The following MAPK4 variants were observed in gnomAD, a reference collection of about 807,000 sequenced individuals.
MAPK4 encodes Erk3-related.
In MAPK4, 22 loss-of-function variants were observed where a neutral mutation model predicts 47.7. The observed-to-expected ratio is 0.46, with a 90% CI of 0.33 to 0.66. The LOEUF (loss-of-function observed/expected upper bound fraction) is 0.66, where lower values mean the gene tolerates loss of function less well. Among genes scored for constraint, MAPK4 ranks in the 30% least tolerant of loss-of-function variants. The pLI, the probability that MAPK4 is intolerant of heterozygous loss-of-function variation, is 0.02. For missense variants in MAPK4, 736 were observed against 831.7 expected, an observed-to-expected ratio of 0.88 and a Z score of 1.42; for synonymous variants, 390 against 365.7, an observed-to-expected ratio of 1.07 and a Z score of -0.76.
At position 50,703,566 on chromosome 18, in the gene MAPK4, G is replaced by A. The variant is rs561644503; in HGVS notation, c.547-11513G>A. Among the ~76,000 whole-genome samples the A allele has an allele frequency of 4.6e-5, 7 of 152,342 alleles. No homozygotes were observed. The East Asian group carries it at 7.7e-4, about 17-fold the overall frequency. On this transcript the variant is annotated intron_variant, in intron 2 of 5. Coordinates refer to ENST00000400384, the MANE Select transcript of MAPK4 (RefSeq NM_002747.4). ...ATATTAGTCTTGCTAACAGAAGACA[G>A]TGGGCTTAACAGGTCAGTATGTTTC...
chr18:50,707,342 G>A (rs1910110063), intron 2 of MAPK4, among the ~76,000 whole-genome samples: 1 of 152,134 alleles, frequency 6.6e-6, no homozygotes, highest in African/African-American at 2.4e-5. Context: ...TGAGGAGGCA[G>A]GTGGATCACT....
chr18:50,569,449 A>G (rs892926664), intron 1 of MAPK4, among the ~76,000 whole-genome samples: 1 of 152,230 alleles, frequency 6.6e-6, no homozygotes, highest in African/African-American at 2.4e-5. Flanking sequence ...GGTATCAGCA[A>G]TAGTGGGTCA....
At chr18:50,685,708 G>A (rs1908842328) in intron 2 of MAPK4, among the ~76,000 whole-genome samples, 1 of 152,212 alleles carries the variant, frequency 6.6e-6, no homozygotes, top group South Asian at 2.1e-4. Context: ...ACACCAGAAT[G>A]ACCTGCATCC....
chr18:50,653,895 C>T (rs540929748), intron 1 of MAPK4, among the ~76,000 whole-genome samples: 2 of 152,264 alleles, frequency 1.3e-5, no homozygotes, highest in South Asian at 2.1e-4. Flanking sequence ...GCAATGGGAG[C>T]GTGAGGTCAG....
intron 1 of MAPK4, among the ~76,000 whole-genome samples, chr18:50,632,616 ATTTTT>A (rs10531891): frequency 1.6e-5 from 2 of 122,328 alleles, no homozygotes; most frequent in Non-Finnish European, 1.7e-5. Flanking sequence ...GTCTGGTTTA[ATTTTT>A]TTTTTTTTTT....
intron 1 of MAPK4, among the ~76,000 whole-genome samples, chr18:50,574,653 G>T (rs1054615876): frequency 1.3e-5 from 2 of 152,138 alleles, no homozygotes; most frequent in South Asian, 2.1e-4. Flanking sequence ...AACTACAAAT[G>T]TGAAGAGAGT....
chr18:50,576,765 T>C (rs2042300976), intron 1 of MAPK4, among the ~76,000 whole-genome samples: 1 of 152,230 alleles, frequency 6.6e-6, no homozygotes, highest in African/African-American at 2.4e-5. Context: ...GGACAGTATT[T>C]ATTAATGAAG....
chr18:50,582,798 A>G (rs1158292879), intron 1 of MAPK4, among the ~76,000 whole-genome samples: 2 of 152,242 alleles, frequency 1.3e-5, no homozygotes, highest in East Asian at 1.9e-4. Context: ...GTTGGGCACC[A>G]GTGTCTAGAT....
At chr18:50,688,940 C>T (rs1472952343) in intron 2 of MAPK4, among the ~76,000 whole-genome samples, 4 of 149,556 alleles carry the variant, frequency 2.7e-5, no homozygotes, top group Admixed American at 6.6e-5. Flanking sequence ...TTCTAGGACT[C>T]ATAGAGCAAA....
intron 1 of MAPK4, among the ~76,000 whole-genome samples, chr18:50,622,560 G>C (rs1273424773): frequency 6.6e-6 from 1 of 152,216 alleles, no homozygotes; most frequent in Non-Finnish European, 1.5e-5. Context: ...CCAGCAGCCA[G>C]GGCAAGGAGG....
At chr18:50,624,716 G>A (rs1032163777) in intron 1 of MAPK4, among the ~76,000 whole-genome samples, 1 of 151,704 alleles carries the variant, frequency 6.6e-6, no homozygotes, top group African/African-American at 2.4e-5. Flanking sequence ...TAATACCATT[G>A]GTGAATCCTT....
chr18:50,576,783 A>G (rs1298366675), intron 1 of MAPK4, among the ~76,000 whole-genome samples: 2 of 152,192 alleles, frequency 1.3e-5, no homozygotes. Context: ...AAGCAGTATA[A>G]TGCAGTTTGT....
At chr18:50,572,948 C>T (rs2042262701) in intron 1 of MAPK4, among the ~76,000 whole-genome samples, 1 of 152,198 alleles carries the variant, frequency 6.6e-6, no homozygotes, top group African/African-American at 2.4e-5. Flanking sequence ...GATCTTTCCT[C>T]TCCAGTAATG....
intron 1 of MAPK4, among the ~76,000 whole-genome samples, chr18:50,644,808 C>T (rs1022258711): frequency 1.3e-5 from 2 of 152,052 alleles, no homozygotes; most frequent in African/African-American, 4.8e-5. Flanking sequence ...GAGAGGGCAC[C>T]GCAGAGAAAG....
chr18:50,579,947 TGTG>T (rs1307106369), intron 1 of MAPK4, among the ~76,000 whole-genome samples: 1 of 152,232 alleles, frequency 6.6e-6, no homozygotes, highest in Non-Finnish European at 1.5e-5. Flanking sequence ...GGATTTTACT[TGTG>T]GTACTACTCA....
At chr18:50,688,437 G>T (rs1017417788) in intron 2 of MAPK4, among the ~76,000 whole-genome samples, 2 of 152,194 alleles carry the variant, frequency 1.3e-5, no homozygotes, top group African/African-American at 4.8e-5. Context: ...CCCCACTGGG[G>T]AACATGACTT....
At chr18:50,667,838 G>A (rs1001004200) in intron 2 of MAPK4, among the ~76,000 whole-genome samples, 5 of 152,202 alleles carry the variant, frequency 3.3e-5, no homozygotes, top group African/African-American at 1.2e-4. Context: ...GTTCTTCAGT[G>A]GACACCAGCT....
intron 1 of MAPK4, among the ~76,000 whole-genome samples, chr18:50,603,373 C>G (rs546102916): frequency 6.6e-6 from 1 of 152,322 alleles, no homozygotes; most frequent in African/African-American, 2.4e-5. Flanking sequence ...ACATCCACAT[C>G]TCCTCTCACC....
At chr18:50,620,631 G>A (rs750882995) in intron 1 of MAPK4, among the ~76,000 whole-genome samples, 40 of 152,270 alleles carry the variant, frequency 2.6e-4, no homozygotes, top group Middle Eastern at 3.4e-3. Flanking sequence ...CAGGCCAGGT[G>A]CAGTTACTTG....
Sources: allele counts gnomAD v4.1 joint callset (sites outside exome capture counted in the v4.1 genomes callset), GRCh38; gene constraint gnomAD v4.1.1; transcripts MANE v1.5; gene names NCBI Gene and HGNC (gene_info 2026-07-23, HGNC 2026-07-21).